Variants in PTPRD observed in about 807,000 individuals in gnomAD.
PTPRD encodes receptor-type tyrosine-protein phosphatase delta.
A neutral mutation model predicts 214.5 loss-of-function variants in PTPRD; 34 were observed. The observed-to-expected ratio is 0.16, with a 90% CI of 0.12 to 0.21. The LOEUF (loss-of-function observed/expected upper bound fraction) is 0.21. Ranked by LOEUF, PTPRD falls within the 10% of genes least tolerant of loss-of-function variation. The pLI is 1.00. For missense variants in PTPRD, 2,545 were observed against 2,398.7 expected (o/e 1.06, Z -1.27); for synonymous variants, 1,128 against 845.7 (o/e 1.33, Z -5.79).
At chr9:9,583,191 G>C (rs1003119367) in intron 7 of PTPRD, among the ~76,000 whole-genome samples, 1 of 151,938 alleles carries the variant, frequency 6.6e-6, no homozygotes, top group South Asian at 2.1e-4. Flanking sequence ...AGTATACAAT[G>C]AAAGTGATTA....
intron 11 of PTPRD, among the ~76,000 whole-genome samples, chr9:8,758,912 C>T (rs1598910645): frequency 6.6e-6 from 1 of 152,112 alleles, no homozygotes; most frequent in East Asian, 1.9e-4. Flanking sequence ...GTCTCGATCT[C>T]CTGACCTCGT....
intron 8 of PTPRD, among the ~76,000 whole-genome samples, chr9:9,467,227 T>G (rs1383514900): frequency 6.7e-6 from 1 of 149,288 alleles, no homozygotes; most frequent in Non-Finnish European, 1.5e-5. Context: ...TTTTTTTTTT[T>G]TTTTTTTTTT....
At chr9:9,814,903 G>A (rs961856600) in intron 5 of PTPRD, among the ~76,000 whole-genome samples, 7 of 147,788 alleles carry the variant, frequency 4.7e-5, no homozygotes, top group Non-Finnish European at 1.0e-4. Flanking sequence ...GGGCTCAAGC[G>A]ATCCTTTCAC....
chr9:9,708,871 A>C (rs2097674734), intron 7 of PTPRD, among the ~76,000 whole-genome samples: 1 of 152,016 alleles, frequency 6.6e-6, no homozygotes, highest in African/African-American at 2.4e-5. Context: ...TAAAAAACAC[A>C]ATTTTTAAAA....
chr9:8,708,679 C>CAAAAA (rs765081509), intron 12 of PTPRD, among the ~76,000 whole-genome samples: 2 of 39,390 alleles, frequency 5.1e-5, no homozygotes, highest in Non-Finnish European at 9.4e-5. Flanking sequence ...GACTCTGTCT[C>CAAAAA]AAAAAAAAAA....
At chr9:9,332,762 T>C (rs2042824577) in intron 9 of PTPRD, among the ~76,000 whole-genome samples, 1 of 151,880 alleles carries the variant, frequency 6.6e-6, no homozygotes, top group South Asian at 2.1e-4. Context: ...GGGTTTTTTT[T>C]TTGGTAGTTG....
At chr9:9,745,078 C>G (rs1222701416) in intron 6 of PTPRD, among the ~76,000 whole-genome samples, 3 of 151,870 alleles carry the variant, frequency 2.0e-5, no homozygotes, top group Admixed American at 6.6e-5. Context: ...TGATAAAATA[C>G]TTTAAACATG....
chr9:9,931,559 G>A (rs201108498), intron 5 of PTPRD, among the ~76,000 whole-genome samples: 7 of 152,134 alleles, frequency 4.6e-5, no homozygotes, highest in South Asian at 2.1e-4. Flanking sequence ...TATCCCGCAC[G>A]TGGCTCGGAG....
chr9:9,286,031 G>A (rs1346108099), intron 9 of PTPRD, among the ~76,000 whole-genome samples: 1 of 151,564 alleles, frequency 6.6e-6, no homozygotes, highest in African/African-American at 2.4e-5. Context: ...TCCCCCACCC[G>A]ATACTTCCCA....
intron 9 of PTPRD, among the ~76,000 whole-genome samples, chr9:9,305,744 T>G (rs936212821): frequency 1.3e-5 from 2 of 152,132 alleles, no homozygotes; most frequent in Non-Finnish European, 2.9e-5. Flanking sequence ...GAAAGATAGA[T>G]GTAGAGACAC....
intron 2 of PTPRD, among the ~76,000 whole-genome samples, chr9:10,391,296 T>C (rs149787142): frequency 4.0e-5 from 6 of 151,802 alleles, no homozygotes; most frequent in Non-Finnish European, 8.8e-5. Flanking sequence ...TTGGACAATA[T>C]TCACATTATT....
intron 2 of PTPRD, among the ~76,000 whole-genome samples, chr9:10,586,593 T>G (rs2073958847): frequency 6.6e-6 from 1 of 152,036 alleles, no homozygotes; most frequent in Admixed American, 6.6e-5. Context: ...AAGAATGAAT[T>G]ATGTTCTTAT....
chr9:9,565,003 T>C (rs2084068699), intron 8 of PTPRD, among the ~76,000 whole-genome samples: 1 of 147,128 alleles, frequency 6.8e-6, no homozygotes, highest in Non-Finnish European at 1.5e-5. Flanking sequence ...CAAATTTACC[T>C]AGTTTCAAAA....
At chr9:10,266,615 G>C (rs1181161083) in intron 3 of PTPRD, among the ~76,000 whole-genome samples, 1 of 152,128 alleles carries the variant, frequency 6.6e-6, no homozygotes, top group Admixed American at 6.5e-5. Flanking sequence ...GTGCGGCATG[G>C]GGTATGGAAA....
chr9:9,752,491 C>T (rs572268806), intron 6 of PTPRD, among the ~76,000 whole-genome samples: 1 of 151,924 alleles, frequency 6.6e-6, no homozygotes, highest in East Asian at 2.0e-4. Flanking sequence ...GTACTAGTTT[C>T]TTGTAAAAAT....
chr9:8,846,848 T>G (rs1000781105), intron 11 of PTPRD, among the ~76,000 whole-genome samples: 3 of 152,162 alleles, frequency 2.0e-5, no homozygotes, highest in Non-Finnish European at 4.4e-5. Flanking sequence ...TCATGCTTTT[T>G]ACAGACAGAA....
chr9:10,261,804 G>C (rs1421518344), intron 3 of PTPRD, among the ~76,000 whole-genome samples: 1 of 151,990 alleles, frequency 6.6e-6, no homozygotes, highest in African/African-American at 2.4e-5. Context: ...AAATATATAG[G>C]AGCAAGAAAA....
intron 8 of PTPRD, among the ~76,000 whole-genome samples, chr9:9,495,886 C>T (rs948481103): frequency 6.6e-6 from 1 of 152,196 alleles, no homozygotes; most frequent in Admixed American, 6.5e-5. Flanking sequence ...CATCTGCAGA[C>T]AATGAAACCA....
At chr9:9,742,992 A>G (rs933421025) in intron 6 of PTPRD, among the ~76,000 whole-genome samples, 11 of 152,100 alleles carry the variant, frequency 7.2e-5, no homozygotes, top group Non-Finnish European at 5.9e-5. Context: ...CTGTACTTCT[A>G]TGTCATACCA....
Sources: gnomAD v4.1 joint callset for allele counts (sites outside exome capture counted in the v4.1 genomes callset) on GRCh38, gnomAD v4.1.1 for gene constraint, MANE v1.5 for transcripts, NCBI Gene and HGNC (gene_info 2026-07-23, HGNC 2026-07-21) for gene names.